Variants in NTM observed in about 807,000 individuals in gnomAD.
NTM encodes the protein neurotrimin.
NTM carries 13 observed loss-of-function variants against 42.1 expected under a neutral mutation model. The ratio of observed to expected loss-of-function variants is 0.31; its 90% CI spans 0.20 to 0.49. The LOEUF is 0.49. NTM is among the 20% of genes least tolerant of loss of function. NTM has a pLI of 0.99. For synonymous variants in NTM, 187 were observed against 179.2 expected (o/e 1.04, Z -0.35); for missense variants, 373 against 452.8 (o/e 0.82, Z 1.60).
At chr11:131,506,984 T>C (rs1309143658) in intron 1 of NTM, among the ~76,000 whole-genome samples, 1 of 152,198 alleles carries the variant, frequency 6.6e-6, no homozygotes, top group African/African-American at 2.4e-5. Context: ...TTTACATAGA[T>C]ATCTCATGTG....
intron 4 of NTM, among the ~76,000 whole-genome samples, chr11:132,275,384 A>G (rs2139750199): frequency 1.3e-5 from 2 of 152,206 alleles, no homozygotes; most frequent in Middle Eastern, 3.4e-3. Flanking sequence ...ATTCTCTTCC[A>G]TCAATGTATA....
At chr11:131,894,171 G>T (rs535635054) in intron 1 of NTM, among the ~76,000 whole-genome samples, 1 of 152,176 alleles carries the variant, frequency 6.6e-6, no homozygotes, top group Non-Finnish European at 1.5e-5. Flanking sequence ...GAGCACTGGG[G>T]GCAATTGTGC....
intron 1 of NTM, among the ~76,000 whole-genome samples, chr11:131,590,900 G>A (rs1275444144): frequency 6.6e-6 from 1 of 152,162 alleles, no homozygotes; most frequent in Non-Finnish European, 1.5e-5. Context: ...GATAGCATGC[G>A]AGTGGATACC....
chr11:131,413,074 T>A (rs1007736414), intron 1 of NTM, among the ~76,000 whole-genome samples: 1 of 152,168 alleles, frequency 6.6e-6, no homozygotes, highest in African/African-American at 2.4e-5. Context: ...TTCACACAAC[T>A]CTTTGGTCCC....
chr11:132,107,736 A>G (rs2062597724), intron 2 of NTM, among the ~76,000 whole-genome samples: 1 of 151,754 alleles, frequency 6.6e-6, no homozygotes, highest in Non-Finnish European at 1.5e-5. Context: ...ACAATCTATG[A>G]TATGTTCTCA....
chr11:132,250,175 T>C (rs549299797), intron 4 of NTM, among the ~76,000 whole-genome samples: 61 of 152,366 alleles, frequency 4.0e-4, no homozygotes, highest in African/African-American at 1.4e-3. Context: ...AGTCATTTTC[T>C]TTCAGTTTCC....
chr11:131,471,019 T>C (rs980549352), intron 1 of NTM, among the ~76,000 whole-genome samples: 1 of 152,162 alleles, frequency 6.6e-6, no homozygotes, highest in Non-Finnish European at 1.5e-5. Context: ...TGCCATACAT[T>C]TTTACAGCCT....
At chr11:132,099,072 C>T (rs879726776) in intron 2 of NTM, among the ~76,000 whole-genome samples, 7 of 152,238 alleles carry the variant, frequency 4.6e-5, no homozygotes, top group Non-Finnish European at 7.3e-5. Context: ...CTCCTTGTAA[C>T]CACCTGCCTC....
intron 2 of NTM, among the ~76,000 whole-genome samples, chr11:132,088,247 G>C (rs966373500): frequency 5.3e-5 from 8 of 152,200 alleles, no homozygotes; most frequent in Non-Finnish European, 1.2e-4. Flanking sequence ...AGTGAGTGGG[G>C]TGGGGGACGT....
chr11:131,551,243 C>G (rs993150894), intron 1 of NTM, among the ~76,000 whole-genome samples: 1 of 152,098 alleles, frequency 6.6e-6, no homozygotes, highest in Non-Finnish European at 1.5e-5. Flanking sequence ...CCCAAGGTGA[C>G]CTTTAGAGAG....
At position 131,598,688 on chromosome 11, in the gene NTM, TTTCTTTC is replaced by T. The variant is rs2060041452; in HGVS notation, c.82+227803_82+227809del. On this transcript the variant is annotated intron_variant, in intron 1 of 8. Transcript: ENST00000683400. ...TACTACTCTCTTCTCATTTGTTTTC[TTTCTTTC>T]TTTCTTTCTTTCTTTCTTTCTTTCT... is the stretch of plus-strand genomic sequence containing the variant. Among the ~76,000 whole-genome samples, 3 of 19,776 alleles carry T rather than the reference TTTCTTTC, an allele frequency of 1.5e-4. No individual in the cohort carries two copies. In the Admixed American group the frequency reaches 2.4e-3, roughly 16 times the overall value. The allele number at this position is 19,776 out of a possible 152,430, so 13.0% of individuals were successfully genotyped here.
intron 2 of NTM, among the ~76,000 whole-genome samples, chr11:132,095,624 T>C (rs1403769244): frequency 1.3e-5 from 2 of 152,196 alleles, no homozygotes; most frequent in Admixed American, 1.3e-4. Flanking sequence ...TTCTCTTCAG[T>C]AGTCGGCATG....
At chr11:132,101,191 TC>T (rs1439385109) in intron 2 of NTM, among the ~76,000 whole-genome samples, 3 of 152,228 alleles carry the variant, frequency 2.0e-5, no homozygotes, top group Non-Finnish European at 2.9e-5. Context: ...TCTCCTGCCC[TC>T]CCCACCCTTT....
chr11:131,627,173 T>C (rs1000204007), intron 1 of NTM, among the ~76,000 whole-genome samples: 1 of 152,188 alleles, frequency 6.6e-6, no homozygotes, highest in Non-Finnish European at 1.5e-5. Context: ...GTGTTTCTTC[T>C]TGGTTGGAAA....
chr11:131,866,221 G>A (rs978868964), intron 1 of NTM, among the ~76,000 whole-genome samples: 12 of 152,328 alleles, frequency 7.9e-5, no homozygotes, highest in South Asian at 2.1e-4. Flanking sequence ...ACATGCATGC[G>A]TTGGCAGGTG....
chr11:131,570,689 G>A (rs893981221), intron 1 of NTM, among the ~76,000 whole-genome samples: 4 of 152,148 alleles, frequency 2.6e-5, no homozygotes, highest in African/African-American at 9.7e-5. Context: ...CAGGCGTGGT[G>A]GTGCGTGCCA....
Position 131,613,054 on chromosome 11 carries a change from G to A in NTM, c.82+242166G>A, listed in dbSNP as rs116954884. 1.6e-3 allele frequency among the ~76,000 whole-genome samples: 240 copies of A among 152,332 alleles called. 2 individuals carry two copies. In the East Asian group the frequency reaches 0.037, roughly 23 times the overall value. ...GGACACTCATGTGTGCTGCACTTCCGTGTGCCTCCCTGGTCTGTCCTCCTC... is the reference window on the plus strand; with the variant it reads ...GGACACTCATGTGTGCTGCACTTCCATGTGCCTCCCTGGTCTGTCCTCCTC... On this transcript the variant is annotated intron_variant, in intron 1 of 8. Transcript: ENST00000683400.
chr11:131,977,297 AC>A (rs1437271137), intron 2 of NTM, among the ~76,000 whole-genome samples: 1 of 152,184 alleles, frequency 6.6e-6, no homozygotes, highest in African/African-American at 2.4e-5. Flanking sequence ...GTGTGCTGTC[AC>A]CCCACGTGTT....
intron 2 of NTM, among the ~76,000 whole-genome samples, chr11:131,915,863 A>C (rs2056258768): frequency 6.6e-6 from 1 of 152,188 alleles, no homozygotes; most frequent in Admixed American, 6.5e-5. Flanking sequence ...CCGATGATTC[A>C]ATTATCTCCC....
Sources: gnomAD v4.1 joint callset for allele counts (sites outside exome capture counted in the v4.1 genomes callset) on GRCh38, gnomAD v4.1.1 for gene constraint, MANE v1.5 for transcripts, NCBI Gene and HGNC (gene_info 2026-07-23, HGNC 2026-07-21) for gene names.